The following ECPAS variants were observed in gnomAD, a reference collection of about 807,000 sequenced individuals.
The protein encoded by ECPAS is proteasome adapter and scaffold protein ECM29.
A neutral mutation model predicts 255.1 loss-of-function variants in ECPAS; 70 were observed. The ratio of observed to expected loss-of-function variants is 0.27; its 90% CI spans 0.23 to 0.33. The LOEUF (loss-of-function observed/expected upper bound fraction) is 0.33, where lower values mean the gene tolerates loss of function less well. ECPAS is among the 10% of genes least tolerant of loss of function. The pLI is 1.00. For synonymous variants in ECPAS, 784 were observed against 775.0 expected (o/e 1.01, Z -0.19); for missense variants, 1,817 against 2,206.4 (o/e 0.82, Z 3.54).
intron 2 of ECPAS, among the ~76,000 whole-genome samples, chr9:111,452,023 C>A (rs2098260915): frequency 6.6e-6 from 1 of 152,138 alleles, no homozygotes; most frequent in Admixed American, 6.5e-5. Context: ...AGAAAAATAG[C>A]CAAGTTTCCC....
intron 4 of ECPAS, 86 bp from the exon 5 acceptor site, chr9:111,442,510 T>A: frequency 1.2e-6 from 1 of 859,186 alleles, no homozygotes; most frequent in Non-Finnish European, 1.9e-6. Context: ...CTTAGAGAGT[T>A]ATGGTTACAA....
At chr9:111,446,719 T>G (rs2098253516) in intron 3 of ECPAS, among the ~76,000 whole-genome samples, 1 of 152,190 alleles carries the variant, frequency 6.6e-6, no homozygotes, top group South Asian at 2.1e-4. Context: ...ATTCCCATTT[T>G]ACAGATGAGG....
chr9:111,413,476 A>G (rs1477921486), intron 20 of ECPAS, among the ~76,000 whole-genome samples: 2 of 152,326 alleles, frequency 1.3e-5, no homozygotes, highest in East Asian at 3.9e-4. Context: ...AGTAAACTCT[A>G]GAAAGCATGC....
At chr9:111,382,211 C>G (rs1358539683) in intron 35 of ECPAS, among the ~76,000 whole-genome samples, 2 of 149,414 alleles carry the variant, frequency 1.3e-5, no homozygotes, top group African/African-American at 5.0e-5. Context: ...TTAGGGGCAT[C>G]TAATGATCAC....
intron 27 of ECPAS, among the ~76,000 whole-genome samples, chr9:111,393,117 C>T (rs1431866673): frequency 6.6e-6 from 1 of 152,164 alleles, no homozygotes; most frequent in African/African-American, 2.4e-5. Context: ...GTTCACAAAT[C>T]TAGACAATAC....
rs376326482 is a variant in ECPAS at position 111,479,584 on chromosome 9, C to T, written c.-83+4532G>A. Among the ~76,000 whole-genome samples the T allele has an allele frequency of 2.3e-4, 35 of 152,124 alleles. No homozygotes were observed. The South Asian group carries it at 6.6e-3, about 29-fold the overall frequency. The stretch of plus-strand genomic sequence containing the variant: ...CTCCAGCCTGGGCGACAGAGCAAGA[C>T]TCCGTCTCCAGAAAAAGACAACAAA... On this transcript the variant is annotated intron_variant, in intron 1 of 49. Transcript: ENST00000684092.
intron 2 of ECPAS, among the ~76,000 whole-genome samples, chr9:111,470,813 G>A (rs1472679241): frequency 6.7e-6 from 1 of 149,010 alleles, no homozygotes; most frequent in Non-Finnish European, 1.5e-5. Flanking sequence ...AATCATAGGA[G>A]TAGCTTGGCA....
chr9:111,428,729 T>C (rs953749601), intron 9 of ECPAS, among the ~76,000 whole-genome samples: 1 of 152,178 alleles, frequency 6.6e-6, no homozygotes, highest in Admixed American at 6.5e-5. Flanking sequence ...TTCTTAACAG[T>C]TAATTGCTTA....
At chr9:111,429,253 T>A (rs542525853) in intron 9 of ECPAS, among the ~76,000 whole-genome samples, 2 of 152,236 alleles carry the variant, frequency 1.3e-5, no homozygotes, top group South Asian at 4.2e-4. Flanking sequence ...AAAGCTGAGT[T>A]TTATTCTCTT....
intron 1 of ECPAS, among the ~76,000 whole-genome samples, chr9:111,476,604 G>C (rs151238155): frequency 8.4e-6 from 1 of 119,004 alleles, no homozygotes; most frequent in African/African-American, 3.3e-5. Flanking sequence ...TTTTTGAGAT[G>C]GAGTTTCACT....
chr9:111,483,556 A>G, intron 1 of ECPAS: 1 of 597,054 alleles, frequency 1.7e-6, no homozygotes, highest in South Asian at 7.6e-5. Flanking sequence ...TGCGCCGGGG[A>G]GGGAACGAGG....
chr9:111,405,091 C>A (rs1458014710), intron 24 of ECPAS, among the ~76,000 whole-genome samples: 2 of 149,354 alleles, frequency 1.3e-5, no homozygotes, highest in Non-Finnish European at 2.9e-5. Context: ...CACCAAAGAC[C>A]CTGAATAATG....
chr9:111,364,269 A>G (rs867427976), intron 48 of ECPAS, among the ~76,000 whole-genome samples: 18 of 152,232 alleles, frequency 1.2e-4, no homozygotes, highest in Non-Finnish European at 1.8e-4. Context: ...GATGGGCCTT[A>G]TCATCTTGTT....
chr9:111,412,065 A>T lies in ECPAS; in HGVS notation c.2163T>A (p.Asn721Lys). The T allele has an allele frequency of 6.3e-7, 1 of 1,592,578 alleles. No individual in the cohort carries two copies. Reference sequence around the variant, plus strand: ...GCTGTTCTATCATTGATTTCAACTCATTCCCCGACACTGTTGATACCACTA... The same window carrying T: ...GCTGTTCTATCATTGATTTCAACTCTTTCCCCGACACTGTTGATACCACTA... ...YSVVVSTVSG[N>K]ELKSMIEQLI... Residue 721 changes from asparagine (N) to lysine (K), a missense_variant, in exon 21 of 50, where the codon AAT (asparagine) becomes AAA (lysine). By Grantham distance (94) the Asn-to-Lys change is moderately conservative. Transcript: ENST00000684092.
intron 35 of ECPAS, among the ~76,000 whole-genome samples, chr9:111,382,005 TA>T (rs34630710): frequency 8.0e-6 from 1 of 125,328 alleles, no homozygotes; most frequent in African/African-American, 3.4e-5. Flanking sequence ...TTCAATTTTG[TA>T]AAACACACAC....
In ECPAS at chr9:111,483,447, C is replaced by G. The variant is rs1422606219; in HGVS notation, c.-83+669G>C. The G allele has an allele frequency of 6.4e-6, 6 of 931,410 alleles. No homozygotes were observed. The East Asian group carries it at 4.7e-4, about 73-fold the overall frequency. The allele number at this position is 931,410 out of a possible 1,614,324, so 57.7% of individuals were successfully genotyped here. On this transcript the variant is annotated intron_variant, in intron 1 of 49. Transcript: ENST00000684092. ...CAGCCCTCATGCGGCCGCCGGCCCC[C>G]GGCACCGCGCGGCGCCCGTTCCGGC... is the stretch of plus-strand genomic sequence containing the variant.
chr9:111,462,539 A>G (rs1451283183), intron 2 of ECPAS, among the ~76,000 whole-genome samples: 1 of 152,124 alleles, frequency 6.6e-6, no homozygotes, highest in Non-Finnish European at 1.5e-5. Context: ...ACAAGATCAG[A>G]GTACAGAAGT....
At chr9:111,413,838 A>G (rs764035424) in intron 20 of ECPAS, 57 bp downstream of exon 20, 92 of 1,105,586 alleles carry the variant, frequency 8.3e-5, no homozygotes, top group Non-Finnish European at 1.2e-4. Flanking sequence ...AAAAGAAATC[A>G]TGAAGTTAAG....
intron 4 of ECPAS, 112 bp downstream of exon 4, chr9:111,444,266 T>C (rs1254611601): frequency 1.5e-6 from 1 of 650,130 alleles, no homozygotes; most frequent in Non-Finnish European, 2.6e-6. Context: ...ATGTTTCATT[T>C]AGAAGTGGTC....
Sources: gnomAD v4.1 joint callset for allele counts (sites outside exome capture counted in the v4.1 genomes callset) on GRCh38, gnomAD v4.1.1 for gene constraint, MANE v1.5 for transcripts, NCBI Gene and HGNC (gene_info 2026-07-23, HGNC 2026-07-21) for gene names.